The following NAA35 variants were observed in gnomAD, a reference collection of about 807,000 sequenced individuals.
NAA35 encodes MAK10 homolog, amino-acid N-acetyltransferase subunit.
Under a neutral mutation model 101.7 loss-of-function variants are expected in NAA35, and 18 were observed. The ratio of observed to expected loss-of-function variants is 0.18; its 90% CI spans 0.12 to 0.26. NAA35 has a LOEUF of 0.26. Ranked by LOEUF, NAA35 falls within the 10% of genes least tolerant of loss-of-function variation. The pLI is 1.00. For missense variants in NAA35, 601 were observed against 886.8 expected (o/e 0.68, Z 4.09); for synonymous variants, 267 against 273.1 (o/e 0.98, Z 0.22).
In NAA35 at chr9:86,021,886, G is replaced by T; in HGVS notation, c.2119-15G>T. On this transcript the variant is annotated splice_polypyrimidine_tract_variant and intron_variant, in intron 22 of 22. Coordinates refer to ENST00000361671, the MANE Select transcript of NAA35 (RefSeq NM_024635.4). ...TTTGTAGATACATTAATTGAGTTTC[G>T]TTTTTCTTTAACAGGTTCCTCCTGA... The T allele has an allele frequency of 1.2e-6, 2 of 1,604,726 alleles. No individual in the cohort carries two copies. The highest frequency in any genetic ancestry group is 8.5e-7 in the Non-Finnish European group (1 of 1,172,786).
chr9:86,007,616 C>T (rs1831706030), intron 14 of NAA35, 152 bp downstream of exon 14: 1 of 538,954 alleles, frequency 1.9e-6, no homozygotes, highest in South Asian at 2.8e-5. Context: ...TGATCTCTGC[C>T]ACATTGTTTA....
At chr9:85,956,004 A>C (rs1829258466) in intron 2 of NAA35, among the ~76,000 whole-genome samples, 3 of 152,210 alleles carry the variant, frequency 2.0e-5, no homozygotes, top group South Asian at 4.1e-4. Context: ...TGGTTTAAAA[A>C]CTTGAGAAGT....
chr9:86,020,162 T>C (rs559915315), intron 21 of NAA35, among the ~76,000 whole-genome samples: 29 of 152,168 alleles, frequency 1.9e-4, no homozygotes, highest in Non-Finnish European at 3.7e-4. Context: ...AATTGGTAGT[T>C]TTGTTTCCTT....
chr9:85,979,423 C>CTA (rs1380099613), intron 11 of NAA35, among the ~76,000 whole-genome samples: 1 of 152,210 alleles, frequency 6.6e-6, no homozygotes, highest in Non-Finnish European at 1.5e-5. Context: ...GAAGAACAGG[C>CTA]TATGACCTAA....
chr9:85,966,475 C>T (rs1436600664), intron 6 of NAA35: 4 of 317,822 alleles, frequency 1.3e-5, no homozygotes, highest in African/African-American at 2.2e-5. Context: ...GGAAGGTTAT[C>T]GAATGTTTAT....
rs1310970856 is a variant in NAA35 at position 86,003,638 on chromosome 9, G to A, written c.1110G>A (p.Leu370=). The A allele has an allele frequency of 8.2e-6, 13 of 1,586,166 alleles. No homozygotes were observed. In the African/African-American group the frequency reaches 1.5e-4, roughly 18 times the overall value. The change falls in exon 13 of 23, where the codon CTG becomes CTA. Residue 370 remains leucine, a synonymous_variant. Coordinates refer to ENST00000361671, the MANE Select transcript of NAA35 (RefSeq NM_024635.4). ...CACCATGTGTTCTTTCAAGATCTCTGTTACAAGTAAGTTCCACTTAGTATC... is the reference window on the plus strand; with the variant it reads ...CACCATGTGTTCTTTCAAGATCTCTATTACAAGTAAGTTCCACTTAGTATC... ...EQSPCVLSRS[L]LQTTFLVDNK... is the part of the protein sequence containing the mutation.
chr9:86,007,135 G>A (rs1434042599), intron 13 of NAA35, among the ~76,000 whole-genome samples: 2 of 152,064 alleles, frequency 1.3e-5, no homozygotes, highest in African/African-American at 2.4e-5. Context: ...CTACTCTTGG[G>A]AGGTTTTTAT....
At chr9:86,021,134 G>C (rs1476204336) in intron 22 of NAA35, among the ~76,000 whole-genome samples, 165 bp downstream of exon 22, 1 of 152,156 alleles carries the variant, frequency 6.6e-6, no homozygotes, top group Non-Finnish European at 1.5e-5. Context: ...ATTTTGTCTT[G>C]AGATGTGTAT....
At chr9:85,959,927 G>C (rs1197759718) in intron 5 of NAA35, 60 bp downstream of exon 5, 22 of 1,271,026 alleles carry the variant, frequency 1.7e-5, no homozygotes, top group Non-Finnish European at 2.5e-5. Flanking sequence ...TGAATCTTGT[G>C]ATTTAAAAGC....
intron 6 of NAA35, among the ~76,000 whole-genome samples, chr9:85,963,535 C>G (rs1829616150): frequency 1.3e-5 from 2 of 152,014 alleles, no homozygotes; most frequent in Non-Finnish European, 2.9e-5. Flanking sequence ...TCCCAAAGTT[C>G]TGAAATTACA....
At chr9:86,020,611 G>A (rs1832485359) in intron 21 of NAA35, among the ~76,000 whole-genome samples, 1 of 152,168 alleles carries the variant, frequency 6.6e-6, no homozygotes, top group Non-Finnish European at 1.5e-5. Context: ...TGGGAGGCCA[G>A]GGTGGGAGGT....
rs1175963176 is a variant in NAA35 at position 86,023,099 on chromosome 9, C to T, written c.*1139C>T. ...CTGGCAGTACTTTAAAGCAGCTAAC[C>T]TGACTGAACTTGCTAAGGGTGTTCC... On this transcript the variant is annotated 3_prime_UTR_variant, in exon 23 of 23. Transcript: ENST00000361671. Among the ~76,000 whole-genome samples, 2 of 152,182 alleles carry T rather than the reference C, an allele frequency of 1.3e-5. No individual in the cohort carries two copies. The highest frequency in any genetic ancestry group is 4.8e-5 in the African/African-American group (2 of 41,444).
chr9:85,955,350 ATATATATATATT>A (rs1280225126), intron 2 of NAA35, among the ~76,000 whole-genome samples: 38 of 61,840 alleles, frequency 6.1e-4, no homozygotes, highest in African/African-American at 4.1e-3. Context: ...ATATATATAT[ATATATATATATT>A]TTTTTTTTTT....
intron 2 of NAA35, among the ~76,000 whole-genome samples, chr9:85,944,993 C>T (rs527393119): frequency 6.6e-6 from 1 of 152,296 alleles, no homozygotes; most frequent in South Asian, 2.1e-4. Context: ...TTCATATATA[C>T]ATTCTCTACT....
rs149429851 is a variant in NAA35 at position 85,966,658 on chromosome 9, A to G, written c.516+4478A>G. ...ATAATTTTAAAAATGAAAATGTTCA[A>G]TGTTGGAAGGAATGCAGTAAGTTGA... On this transcript the variant is annotated intron_variant, in intron 6 of 22. Transcript: ENST00000361671. The G allele has an allele frequency of 8.4e-5, 109 of 1,296,394 alleles. No homozygotes were observed. The African/African-American group carries it at 1.5e-3, about 18-fold the overall frequency. 80.3% of individuals were successfully genotyped at this position (1,296,394 alleles called of 1,614,324 possible). A position where few individuals can be genotyped will look rare whatever the true frequency, so the allele number is the denominator to read the frequency against.
At chr9:85,955,355 TA>T (rs869217803) in intron 2 of NAA35, among the ~76,000 whole-genome samples, 14,592 of 58,366 alleles carry the variant, frequency 0.25, 1,980 homozygotes, top group Non-Finnish European at 0.33. Context: ...TATATATATA[TA>T]TATATTTTTT....
chr9:85,980,750 C>T (rs1239599983), intron 11 of NAA35, among the ~76,000 whole-genome samples: 3 of 152,166 alleles, frequency 2.0e-5, no homozygotes, highest in African/African-American at 7.2e-5. Flanking sequence ...GTAAAGTTTA[C>T]AGTGGGTTAA....
rs747707594 is a variant in NAA35, at chr9:85,996,395, T to G, written c.878-4T>G. 6.4e-6 allele frequency: 10 copies of G among 1,561,384 alleles called. No individual in the cohort carries two copies. Among genetic ancestry groups the G allele is most frequent in the Middle Eastern group, 3.4e-4 (2 of 5,874 alleles). On this transcript the variant is annotated splice_polypyrimidine_tract_variant and splice_region_variant and intron_variant, in intron 11 of 22. Coordinates refer to ENST00000361671, the MANE Select transcript of NAA35 (RefSeq NM_024635.4). ...AAATTTTACTTTCATTTTTTTCTTT[T>G]TAGATCATCCAATTATGATGGGTTT...
intron 11 of NAA35, among the ~76,000 whole-genome samples, chr9:85,985,689 T>C (rs1283878168): frequency 3.3e-5 from 5 of 152,216 alleles, no homozygotes; most frequent in Admixed American, 2.6e-4. Context: ...ACTCTGTTAA[T>C]GTATTAAAAA....
Sources: allele counts gnomAD v4.1 joint callset (sites outside exome capture counted in the v4.1 genomes callset), GRCh38; gene constraint gnomAD v4.1.1; transcripts MANE v1.5; gene names NCBI Gene and HGNC (gene_info 2026-07-23, HGNC 2026-07-21).